Variants in LTBP1 observed in about 807,000 individuals in gnomAD.
LTBP1 encodes latent-transforming growth factor beta-binding protein 1.
Under a neutral mutation model 207.6 loss-of-function variants are expected in LTBP1, and 129 were observed. The observed-to-expected ratio is 0.62, with a 90% CI of 0.54 to 0.72. The LOEUF is 0.72. LTBP1 is among the 30% of genes least tolerant of loss of function. LTBP1 has a pLI of 0.00. For missense variants in LTBP1, 2,281 were observed against 2,217.2 expected, an observed-to-expected ratio of 1.03 and a Z score of -0.58; for synonymous variants, 963 against 833.7, an observed-to-expected ratio of 1.16 and a Z score of -2.67.
chr2:33,394,487 A>G (rs1483995575), intron 32 of LTBP1, among the ~76,000 whole-genome samples: 1 of 152,204 alleles, frequency 6.6e-6, no homozygotes, highest in Non-Finnish European at 1.5e-5. Flanking sequence ...TTTGTAAGGA[A>G]GGGATCCAGT....
intron 3 of LTBP1, among the ~76,000 whole-genome samples, chr2:33,022,176 T>C (rs2075203648): frequency 6.6e-6 from 1 of 152,108 alleles, no homozygotes; most frequent in South Asian, 2.1e-4. Flanking sequence ...GATGAAATTA[T>C]CCTTATTTTT....
chr2:33,010,461 T>A (rs1687519651), intron 2 of LTBP1, among the ~76,000 whole-genome samples: 1 of 151,940 alleles, frequency 6.6e-6, no homozygotes, highest in South Asian at 2.1e-4. Context: ...GATAGCAGAG[T>A]AGGTGGCTAA....
At chr2:32,988,215 T>G (rs1683887887) in intron 2 of LTBP1, among the ~76,000 whole-genome samples, 1 of 152,234 alleles carries the variant, frequency 6.6e-6, no homozygotes, top group South Asian at 2.1e-4. Context: ...AGAATAAGTT[T>G]CTGTTGTTTA....
At chr2:33,056,309 A>AGTTTTGTTTT in intron 3 of LTBP1, 3 of 876,066 alleles carry the variant, frequency 3.4e-6, no homozygotes, top group Non-Finnish European at 4.8e-6. Flanking sequence ...AACCGCCTGC[A>AGTTTTGTTTT]GTTTTGTTTT....
chr2:33,263,344 G>C lies in LTBP1; in HGVS notation c.2569G>C (p.Ala857Pro). The part of the protein sequence containing the change: ...PPVPVEVAPE[A>P]STSSASQVIA... ...TGTGCCTGTTGAAGTAGCTCCTGAA[G>C]CTTCTACGTCTAGTGCCAGCCAAGT... Residue 857 changes from alanine to proline, a missense_variant, in exon 15 of 34, where the codon GCT becomes CCT. By Grantham distance (27) the Ala-to-Pro change is conservative. Around this residue, in one of 3 missense-constraint regions of LTBP1, gnomAD observed 1,671 missense variants for 1,634.8 expected, o/e 1.02. Transcript: ENST00000404816. The C allele has an allele frequency of 6.2e-7, 1 of 1,614,050 alleles. No homozygotes were observed. Among genetic ancestry groups the C allele is most frequent in the Non-Finnish European group, 8.5e-7 (1 of 1,179,982 alleles).
chr2:33,124,000 A>T (rs1027582900), intron 4 of LTBP1, among the ~76,000 whole-genome samples: 1 of 152,230 alleles, frequency 6.6e-6, no homozygotes, highest in Non-Finnish European at 1.5e-5. Flanking sequence ...ATTTGACTAT[A>T]TTTTAGATAT....
intron 2 of LTBP1, among the ~76,000 whole-genome samples, chr2:32,973,828 T>C (rs563407246): frequency 1.8e-4 from 27 of 152,328 alleles, no homozygotes; most frequent in Admixed American, 1.4e-3. Context: ...ACACCACAAA[T>C]AACTGAGAAC....
chr2:33,048,271 A>G (rs778441364), intron 3 of LTBP1, among the ~76,000 whole-genome samples: 5 of 152,218 alleles, frequency 3.3e-5, no homozygotes, highest in Non-Finnish European at 7.3e-5. Context: ...AACTGAACCC[A>G]TTCCTTAGAG....
At chr2:33,211,488 T>C (rs751746637) in intron 7 of LTBP1, among the ~76,000 whole-genome samples, 29 of 152,164 alleles carry the variant, frequency 1.9e-4, no homozygotes, top group Non-Finnish European at 4.0e-4. Context: ...TCCTTTGGGG[T>C]TGGGATTACT....
intron 2 of LTBP1, among the ~76,000 whole-genome samples, chr2:32,967,329 A>G (rs1345128218): frequency 6.6e-6 from 1 of 151,828 alleles, no homozygotes; most frequent in Admixed American, 6.6e-5. Context: ...TTTCTGCTCT[A>G]ATTTTCATTA....
chr2:33,271,732 T>A (rs757905900), intron 15 of LTBP1, among the ~76,000 whole-genome samples: 1 of 152,222 alleles, frequency 6.6e-6, no homozygotes, highest in Non-Finnish European at 1.5e-5. Context: ...CTGTGTGTAT[T>A]GTAGTATAAT....
Position 33,273,783 on chromosome 2 carries a change from T to C in LTBP1, c.2743+2T>C. 2 of 1,588,458 alleles carry C rather than the reference T, an allele frequency of 1.3e-6. No homozygotes were observed. The highest frequency in any genetic ancestry group is 1.7e-6 in the Non-Finnish European group (2 of 1,171,592). ...GTGAACAACAGAGGAAATGTGTGGG[T>C]AAGAGACAATTTGATTGACTAAATT... On this transcript the variant is annotated splice_donor_variant, in intron 16 of 33. Coordinates refer to ENST00000404816, the MANE Select transcript of LTBP1 (RefSeq NM_206943.4). LOFTEE classifies it high-confidence loss of function.
intron 7 of LTBP1, among the ~76,000 whole-genome samples, chr2:33,198,256 T>A (rs1314098116): frequency 6.6e-6 from 1 of 152,072 alleles, no homozygotes. Flanking sequence ...GCCCACTTGA[T>A]CATGGTGGAT....
chr2:33,295,538 A>G (rs1162781746), intron 20 of LTBP1, among the ~76,000 whole-genome samples: 1 of 152,068 alleles, frequency 6.6e-6, no homozygotes, highest in Non-Finnish European at 1.5e-5. Flanking sequence ...AGTCTCAATG[A>G]TGATAATAAT....
At chr2:33,002,692 T>A (rs1686209054) in intron 2 of LTBP1, among the ~76,000 whole-genome samples, 1 of 151,924 alleles carries the variant, frequency 6.6e-6, no homozygotes, top group Non-Finnish European at 1.5e-5. Flanking sequence ...TCTTTTTTTT[T>A]TAAAAAAAGG....
chr2:33,353,776 T>C (rs76359353), intron 26 of LTBP1, among the ~76,000 whole-genome samples: 4 of 151,784 alleles, frequency 2.6e-5, no homozygotes, highest in African/African-American at 9.7e-5. Context: ...ATACAACTCA[T>C]CTTGGTAGTT....
chr2:33,290,213 C>G (rs1246676445), intron 19 of LTBP1, among the ~76,000 whole-genome samples: 3 of 152,220 alleles, frequency 2.0e-5, no homozygotes, highest in African/African-American at 7.2e-5. Context: ...AGACATTCAT[C>G]TATCTTAATG....
At chr2:33,164,872 A>G (rs904886851) in intron 5 of LTBP1, among the ~76,000 whole-genome samples, 20 of 152,236 alleles carry the variant, frequency 1.3e-4, no homozygotes, top group African/African-American at 4.8e-4. Flanking sequence ...TATGATGCAT[A>G]TTTGTGCAAA....
intron 5 of LTBP1, among the ~76,000 whole-genome samples, chr2:33,138,643 G>A (rs895606132): frequency 6.6e-6 from 1 of 152,076 alleles, no homozygotes; most frequent in Non-Finnish European, 1.5e-5. Flanking sequence ...CCTCTGACAA[G>A]AAGAACATAT....
Sources: allele counts gnomAD v4.1 joint callset (sites outside exome capture counted in the v4.1 genomes callset), GRCh38; gene constraint gnomAD v4.1.1; regional missense constraint gnomAD v4.1.1; transcripts MANE v1.5; gene names NCBI Gene and HGNC (gene_info 2026-07-23, HGNC 2026-07-21).